Variants in SLC13A3 observed in about 807,000 individuals in gnomAD.
SLC13A3 encodes the protein Na(+)/dicarboxylate cotransporter 3.
Under a neutral mutation model 59.0 loss-of-function variants are expected in SLC13A3, and 40 were observed. That is an observed-to-expected ratio of 0.68 (90% CI 0.53 to 0.88). The LOEUF (loss-of-function observed/expected upper bound fraction) is 0.88. SLC13A3 is among the 40% of genes least tolerant of loss of function. SLC13A3 has a pLI of 0.00. For missense variants in SLC13A3, 699 were observed against 783.2 expected (o/e 0.89, Z 1.28); for synonymous variants, 317 against 330.3 (o/e 0.96, Z 0.44).
chr20:46,642,432 C>T (rs1238127110), intron 1 of SLC13A3, among the ~76,000 whole-genome samples: 1 of 152,192 alleles, frequency 6.6e-6, no homozygotes, highest in African/African-American at 2.4e-5. Context: ...GGCTGCAATG[C>T]ATGTGAAGTA....
At chr20:46,640,059 A>T (rs546612048) in intron 1 of SLC13A3, among the ~76,000 whole-genome samples, 1 of 152,232 alleles carries the variant, frequency 6.6e-6, no homozygotes, top group Admixed American at 6.5e-5. Flanking sequence ...GCTCACAAGC[A>T]TATCATGAGT....
chr20:46,569,606 G>C (rs1357399161), intron 10 of SLC13A3, among the ~76,000 whole-genome samples: 1 of 152,236 alleles, frequency 6.6e-6, no homozygotes, highest in Admixed American at 6.5e-5. Context: ...AAAGGGCCTA[G>C]GAAAGTGGCT....
intron 10 of SLC13A3, among the ~76,000 whole-genome samples, chr20:46,574,803 G>A (rs3092554): frequency 0.81 from 122,184 of 150,410 alleles, 49,816 homozygotes; most frequent in East Asian, 0.88. Context: ...GGGAGGTTTA[G>A]ATGAGTTAAC....
At chr20:46,567,642 C>T (rs1309437949) in intron 10 of SLC13A3, among the ~76,000 whole-genome samples, 3 of 152,140 alleles carry the variant, frequency 2.0e-5, no homozygotes, top group African/African-American at 7.2e-5. Context: ...AGACTCCACT[C>T]GCCTGTCAGT....
rs1030289732 is a variant in SLC13A3 at position 46,613,606 on chromosome 20, G to A, written c.231C>T (p.Pro77=). Residue 77 remains proline, a synonymous_variant, in exon 2 of 13, where the codon CCC becomes CCT. Coordinates refer to ENST00000279027, the MANE Select transcript of SLC13A3 (RefSeq NM_022829.6). ...AGTACTGGGGGCAGACCTTGTTGGAGGGCAAGATGCCCATGAAGGGGAAGA... is the reference window on the plus strand; with the variant it reads ...AGTACTGGGGGCAGACCTTGTTGGAAGGCAAGATGCCCATGAAGGGGAAGA... ...IVLFPFMGIL[P]SNKVCPQYFL... The A allele has an allele frequency of 5.6e-6, 9 of 1,613,128 alleles. No individual in the cohort carries two copies. Among genetic ancestry groups the A allele is most frequent in the African/African-American group, 2.7e-5 (2 of 74,946 alleles).
chr20:46,650,181 T>C (rs1197001730), intron 1 of SLC13A3, among the ~76,000 whole-genome samples: 1 of 152,128 alleles, frequency 6.6e-6, no homozygotes, highest in African/African-American at 2.4e-5. Flanking sequence ...CCCCCACTAG[T>C]GTTGATTTCA....
intron 3 of SLC13A3, among the ~76,000 whole-genome samples, chr20:46,601,831 G>C (rs922756712): frequency 6.6e-6 from 1 of 152,168 alleles, no homozygotes; most frequent in African/African-American, 2.4e-5. Context: ...GGGGAGGCCA[G>C]TGGAGCTGCA....
intron 1 of SLC13A3, among the ~76,000 whole-genome samples, chr20:46,636,049 C>A (rs535443727): frequency 6.6e-6 from 1 of 152,294 alleles, no homozygotes; most frequent in Non-Finnish European, 1.5e-5. Flanking sequence ...ATAATCCACC[C>A]CTTGTTTAGC....
chr20:46,610,331 T>C, intron 3 of SLC13A3, 115 bp downstream of exon 3: 1 of 910,822 alleles, frequency 1.1e-6, no homozygotes, highest in Non-Finnish European at 1.7e-6. Context: ...ACCTGACGCA[T>C]AGTAGGTGCT....
chr20:46,651,167 G>A (rs1008748688), intron 1 of SLC13A3, 144 bp downstream of exon 1: 23 of 1,313,302 alleles, frequency 1.8e-5, no homozygotes, highest in Non-Finnish European at 2.2e-5. Flanking sequence ...ACAGCGGTCC[G>A]CGGCAGGTGC....
chr20:46,585,507 A>G (rs539650345), intron 8 of SLC13A3: 3 of 1,011,696 alleles, frequency 3.0e-6, no homozygotes, highest in Non-Finnish European at 3.6e-6. Context: ...GCCAATTGGC[A>G]TATGTTTCAT....
At chr20:46,664,945 A>G (rs112899337) in intron 1 of SLC13A3, among the ~76,000 whole-genome samples, 9 of 152,326 alleles carry the variant, frequency 5.9e-5, no homozygotes, top group East Asian at 1.9e-4. Context: ...CAAGGACTCA[A>G]AGTAGGATCC....
chr20:46,584,238 A>G (rs775923724), intron 8 of SLC13A3: 7 of 985,420 alleles, frequency 7.1e-6, no homozygotes, highest in Non-Finnish European at 8.4e-6. Context: ...TCAGGTGGAG[A>G]ATCAGAGGGT....
At position 46,612,557 on chromosome 20, in the gene SLC13A3, G is replaced by T. The variant is rs140159886; in HGVS notation, c.377+903C>A. ...CCTATCACTCGGTCTTGCCGTTTGCGGTGTTAATAAAACAGTACCTACCTG... is the reference window on the plus strand; with the variant it reads ...CCTATCACTCGGTCTTGCCGTTTGCTGTGTTAATAAAACAGTACCTACCTG... On this transcript the variant is annotated intron_variant, in intron 2 of 12. Coordinates refer to ENST00000279027, the MANE Select transcript of SLC13A3 (RefSeq NM_022829.6). Among the ~76,000 whole-genome samples, 14 of 152,002 alleles carry T rather than the reference G, an allele frequency of 9.2e-5. No individual in the cohort carries two copies. In the East Asian group the frequency reaches 2.3e-3, roughly 25 times the overall value.
At chr20:46,677,627 T>C (rs2063133839) in intron 1 of SLC13A3, among the ~76,000 whole-genome samples, 1 of 151,938 alleles carries the variant, frequency 6.6e-6, no homozygotes, top group Non-Finnish European at 1.5e-5. Context: ...ACCTGTTGAG[T>C]TTTGGGATGC....
Position 46,623,157 on chromosome 20 carries a change from A to G in SLC13A3, c.112-9432T>C, listed in dbSNP as rs112132726. 7.5e-3 allele frequency among the ~76,000 whole-genome samples: 1,150 copies of G among 152,322 alleles called. 18 individuals are homozygous for G. The highest frequency in any genetic ancestry group is 0.027 in the African/African-American group (1,102 of 41,576). On this transcript the variant is annotated intron_variant, in intron 1 of 12. Coordinates refer to ENST00000279027, the MANE Select transcript of SLC13A3 (RefSeq NM_022829.6). ...TGGGTGATCCTGACAAGGGCATTAA[A>G]AGAAAAGAAAATGGAATACAATGGT...
intron 1 of SLC13A3, among the ~76,000 whole-genome samples, chr20:46,617,752 T>C (rs927048712): frequency 1.3e-5 from 2 of 152,180 alleles, no homozygotes; most frequent in Non-Finnish European, 2.9e-5. Flanking sequence ...AGAACATCCA[T>C]GTATCACCCC....
chr20:46,679,916 A>AG (rs1386576637), intron 1 of SLC13A3, among the ~76,000 whole-genome samples: 1 of 152,020 alleles, frequency 6.6e-6, no homozygotes, highest in Non-Finnish European at 1.5e-5. Context: ...TCAAAAAAAA[A>AG]AAAAAAGAGG....
intron 3 of SLC13A3, among the ~76,000 whole-genome samples, chr20:46,610,156 A>T (rs3092183): frequency 6.6e-6 from 1 of 152,184 alleles, no homozygotes; most frequent in Non-Finnish European, 1.5e-5. Flanking sequence ...AGGTTTAATT[A>T]TAGTACTTAC....
Sources: gnomAD v4.1 joint callset for allele counts (sites outside exome capture counted in the v4.1 genomes callset) on GRCh38, gnomAD v4.1.1 for gene constraint, MANE v1.5 for transcripts, NCBI Gene and HGNC (gene_info 2026-07-23, HGNC 2026-07-21) for gene names.